SLC35D4: variants seen among roughly 807,000 people sequenced by gnomAD.
SLC35D4 encodes UDP-N-acetylglucosamine transporter SLC35D4.
chr18:23,267,500 G>A, the SLC35D4 span, among the ~76,000 whole-genome samples: 1 of 151,974 alleles, frequency 6.6e-6, no homozygotes, highest in South Asian at 2.1e-4. Context: ...TCTCAATAGG[G>A]ACTTGCTTTC....
At chr18:23,392,882 C>CA in the SLC35D4 span, among the ~76,000 whole-genome samples, 1 of 152,028 alleles carries the variant, frequency 6.6e-6, no homozygotes, top group African/African-American at 2.4e-5. Context: ...ACACAATCCT[C>CA]AAAAAAACTC....
At chr18:23,241,516 G>C in the SLC35D4 span, among the ~76,000 whole-genome samples, 1 of 152,094 alleles carries the variant, frequency 6.6e-6, no homozygotes. Flanking sequence ...GGCGACAAGC[G>C]AAACTACGTC....
chr18:23,304,954 C>G, the SLC35D4 span, among the ~76,000 whole-genome samples: 1 of 152,244 alleles, frequency 6.6e-6, no homozygotes, highest in Non-Finnish European at 1.5e-5. Context: ...AACACAGTTA[C>G]TATCTGATCC....
At chr18:23,370,133 C>T in the SLC35D4 span, 18 of 1,229,000 alleles carry the variant, frequency 1.5e-5, no homozygotes, top group South Asian at 5.7e-5. Context: ...GAGCTGAGAC[C>T]GCGCCATTGC....
the SLC35D4 span, among the ~76,000 whole-genome samples, chr18:23,305,330 C>T: frequency 1.3e-5 from 2 of 152,092 alleles, no homozygotes; most frequent in Non-Finnish European, 2.9e-5. Context: ...TTATAACTCC[C>T]TCATGAGCTT....
the SLC35D4 span, chr18:23,259,716 C>T: frequency 2.6e-5 from 4 of 152,304 alleles, no homozygotes; most frequent in East Asian, 1.9e-4. Flanking sequence ...CTCTGTGACA[C>T]GGAACATTCC....
At chr18:23,244,133 G>C in the SLC35D4 span, among the ~76,000 whole-genome samples, 1 of 152,220 alleles carries the variant, frequency 6.6e-6, no homozygotes, top group Admixed American at 6.5e-5. Flanking sequence ...CTTGCGTTTA[G>C]AAGTGCATCC....
the SLC35D4 span, chr18:23,331,439 C>T: frequency 6.6e-6 from 1 of 152,222 alleles, no homozygotes; most frequent in East Asian, 1.9e-4. Flanking sequence ...GCAAGAGGCC[C>T]CAGGGCTCTG....
the SLC35D4 span, among the ~76,000 whole-genome samples, chr18:23,264,757 C>A: frequency 2.0e-5 from 3 of 151,960 alleles, no homozygotes; most frequent in Non-Finnish European, 4.4e-5. Flanking sequence ...GACTCTCCCA[C>A]CTCAGTCTCC....
At chr18:23,373,852 A>C in the SLC35D4 span, 18 of 1,429,774 alleles carry the variant, frequency 1.3e-5, no homozygotes, top group Non-Finnish European at 1.6e-5. Flanking sequence ...CATCCTCTGG[A>C]GTTGGATGAG....
the SLC35D4 span, among the ~76,000 whole-genome samples, chr18:23,244,193 C>G: frequency 1.3e-5 from 2 of 152,066 alleles, no homozygotes; most frequent in Non-Finnish European, 2.9e-5. Flanking sequence ...CTGGTGTCAT[C>G]TCAAGTGGAT....
chr18:23,251,585 A>G, the SLC35D4 span, among the ~76,000 whole-genome samples: 1 of 152,242 alleles, frequency 6.6e-6, no homozygotes, highest in Admixed American at 6.5e-5. Context: ...TTCACAGTGC[A>G]GGGTACAGAG....
chr18:23,318,924 A>C, the SLC35D4 span, among the ~76,000 whole-genome samples: 722 of 152,046 alleles, frequency 4.7e-3, 5 homozygotes, highest in African/African-American at 0.016. Flanking sequence ...GCTCACTGCA[A>C]CCTCCGCCTC....
chr18:23,262,490 C>T, the SLC35D4 span, among the ~76,000 whole-genome samples: 2 of 152,376 alleles, frequency 1.3e-5, no homozygotes, highest in Non-Finnish European at 2.9e-5. Flanking sequence ...GGGCAGACCT[C>T]CAGTTTGCTT....
the SLC35D4 span, among the ~76,000 whole-genome samples, chr18:23,272,848 G>A: frequency 8.5e-4 from 129 of 152,298 alleles, no homozygotes; most frequent in African/African-American, 3.0e-3. Context: ...TGCTCTTGAA[G>A]CGTTGGACCC....
At chr18:23,347,055 T>C in the SLC35D4 span, among the ~76,000 whole-genome samples, 4 of 152,198 alleles carry the variant, frequency 2.6e-5, no homozygotes, top group African/African-American at 9.7e-5. Flanking sequence ...CCTCTTCCTT[T>C]AGTTTCTAAA....
the SLC35D4 span, among the ~76,000 whole-genome samples, chr18:23,383,370 A>C: frequency 6.6e-6 from 1 of 151,702 alleles, no homozygotes; most frequent in African/African-American, 2.4e-5. Context: ...AAGACACAGG[A>C]AGGGAACCAA....
the SLC35D4 span, among the ~76,000 whole-genome samples, chr18:23,249,581 T>A: frequency 6.6e-6 from 1 of 152,164 alleles, no homozygotes; most frequent in East Asian, 1.9e-4. Context: ...CCTGATGAAA[T>A]TTTTCAGCGT....
chr18:23,245,218 A>C, the SLC35D4 span, among the ~76,000 whole-genome samples: 1 of 152,196 alleles, frequency 6.6e-6, no homozygotes, highest in Non-Finnish European at 1.5e-5. Flanking sequence ...TGTACAAAGC[A>C]AAGGATGGGC....
Sources: gnomAD v4.1 joint callset for allele counts (sites outside exome capture counted in the v4.1 genomes callset) on GRCh38, gnomAD v4.1.1 for gene constraint, MANE v1.5 for transcripts, NCBI Gene and HGNC (gene_info 2026-07-23, HGNC 2026-07-21) for gene names.